Variants in NOTCH2 observed in about 807,000 individuals in gnomAD.
The protein encoded by NOTCH2 is notch receptor 2, also known as neurogenic locus notch homolog protein 2.
Under a neutral mutation model 235.8 loss-of-function variants are expected in NOTCH2, and 29 were observed. The ratio of observed to expected loss-of-function variants is 0.12; its 90% confidence interval spans 0.09 to 0.17. NOTCH2 has a LOEUF of 0.17. Ranked by LOEUF, NOTCH2 falls within the 10% of genes least tolerant of loss-of-function variation. The pLI is 1.00. For synonymous variants in NOTCH2, 1,086 were observed against 1,141.5 expected, an observed-to-expected ratio of 0.95 and a Z score of 0.98; for missense variants, 2,285 against 3,150.2, an observed-to-expected ratio of 0.73 and a Z score of 6.57.
chr1:119,949,373 ACT>A (rs1557817601), intron 15 of NOTCH2, among the ~76,000 whole-genome samples: 27 of 148,864 alleles, frequency 1.8e-4, no homozygotes, highest in African/African-American at 6.2e-4. Flanking sequence ...GTTTCCCTAC[ACT>A]ACTATTTCTT....
rs1419847830 is a variant in NOTCH2 at position 119,915,634 on chromosome 1, C to T, written c.7088G>A (p.Gly2363Glu). 2.5e-6 allele frequency: 4 copies of T among 1,613,998 alleles called. No homozygotes were observed. The change falls in exon 34 of 34, where the codon GGG becomes GAG. Residue 2363 changes from glycine (G) to glutamate (E), a missense_variant. Around this residue, in one of 6 missense-constraint regions of NOTCH2, gnomAD observed 504 missense variants for 538.0 expected, o/e 0.94. Transcript: ENST00000256646. ...FPTAMMPQQD[G>E]QVAQTILPAY... is the part of the protein sequence containing the mutation. Reference sequence around the variant, plus strand: ...TGGGAGAATGGTCTGAGCTACCTGCCCGTCCTGCTGGGGCATCATGGCAGT... The same window carrying T: ...TGGGAGAATGGTCTGAGCTACCTGCTCGTCCTGCTGGGGCATCATGGCAGT...
At chr1:119,966,617 C>T (rs1470515679) in intron 8 of NOTCH2, 128 bp from the exon 9 acceptor site, 3 of 729,916 alleles carry the variant, frequency 4.1e-6, no homozygotes, top group Non-Finnish European at 7.5e-6. Flanking sequence ...AAAAAAGGAA[C>T]TCTGCCATGA....
rs978203856 is a variant in NOTCH2, at chr1:119,915,843, G to A, written c.6879C>T (p.His2293=). 3 of 1,614,180 alleles carry A rather than the reference G, an allele frequency of 1.9e-6. No individual in the cohort carries two copies. The highest frequency in any genetic ancestry group is 2.5e-6 in the Non-Finnish European group (3 of 1,180,028). Residue 2293 remains histidine, a synonymous_variant, in exon 34 of 34, where the codon CAC becomes CAT. Transcript: ENST00000256646. ...APQSRPPEGK[H]ITTPREPLPP... is the part of the protein sequence containing the mutation. ...GCAAGGGCTCCCGAGGGGTGGTTAT[G>A]TGCTTCCCTTCAGGTGGCCTGCTCT...
chr1:120,009,540 G>A (rs1425248212), intron 2 of NOTCH2, among the ~76,000 whole-genome samples: 34 of 151,976 alleles, frequency 2.2e-4, no homozygotes, highest in Admixed American at 2.0e-4. Flanking sequence ...CCTAATTTCA[G>A]ATATTTCTCT....
Position 119,922,408 on chromosome 1 carries a change from G to T in NOTCH2, c.5041C>A (p.Leu1681Ile). 3 of 1,613,940 alleles carry T rather than the reference G, an allele frequency of 1.9e-6. No individual in the cohort carries two copies. Among genetic ancestry groups the T allele is most frequent in the Non-Finnish European group, 2.5e-6 (3 of 1,179,952 alleles). ...ATGATGACAACAGCAACAGCAAGGA[G>T]ATAGAGGAGCTGAGTGCGTTCTGGA... Reference protein sequence around the residue: ...LTPERTQLLYLLAVAVVIILF... With the variant: ...LTPERTQLLYILAVAVVIILF... Residue 1681 changes from leucine (L) to isoleucine (I), a missense_variant, in exon 28 of 34, where the codon CTC becomes ATC. By Grantham distance (5) the Leu-to-Ile change is conservative. Coordinates refer to ENST00000256646, the MANE Select transcript of NOTCH2 (RefSeq NM_024408.4).
At chr1:119,953,126 A>G (rs1553197984) in intron 14 of NOTCH2, among the ~76,000 whole-genome samples, 1 of 152,174 alleles carries the variant, frequency 6.6e-6, no homozygotes, top group Non-Finnish European at 1.5e-5. Context: ...AGCCTAACCA[A>G]CATGGAGAAA....
chr1:119,943,120 AAC>A (rs1650123853), intron 17 of NOTCH2, among the ~76,000 whole-genome samples: 1 of 152,090 alleles, frequency 6.6e-6, no homozygotes, highest in African/African-American at 2.4e-5. Flanking sequence ...TTTCTTCCCT[AAC>A]AGACTATGAG....
At chr1:119,968,014 A>G (rs934703498) in intron 7 of NOTCH2, 63 bp downstream of exon 7, 75 of 1,586,916 alleles carry the variant, frequency 4.7e-5, no homozygotes, top group Non-Finnish European at 6.2e-5. Context: ...AATGTGCTTC[A>G]GTTTAAACAT....
intron 3 of NOTCH2, among the ~76,000 whole-genome samples, chr1:120,003,531 T>A (rs1652847706): frequency 6.6e-6 from 1 of 152,144 alleles, no homozygotes. Context: ...GTTTTCTGAG[T>A]ACATTTTTCA....
intron 4 of NOTCH2, among the ~76,000 whole-genome samples, chr1:119,988,070 T>C (rs1652089234): frequency 6.6e-6 from 1 of 152,182 alleles, no homozygotes; most frequent in South Asian, 2.1e-4. Context: ...TTCCTCGAAA[T>C]ATCCCTTAAG....
chr1:119,959,867 C>T (rs1310817900), intron 11 of NOTCH2, among the ~76,000 whole-genome samples: 11 of 152,170 alleles, frequency 7.2e-5, no homozygotes, highest in Admixed American at 3.3e-4. Flanking sequence ...CAAGCAAAAA[C>T]GCCAGTTTCA....
chr1:119,960,186 AG>A (rs1318245028), intron 11 of NOTCH2, among the ~76,000 whole-genome samples: 13 of 152,200 alleles, frequency 8.5e-5, no homozygotes, highest in African/African-American at 3.1e-4. Flanking sequence ...TGTCATTTTG[AG>A]GAAAAGCAAA....
chr1:120,000,868 C>T (rs587595483), intron 3 of NOTCH2, among the ~76,000 whole-genome samples: 2 of 152,188 alleles, frequency 1.3e-5, no homozygotes, highest in African/African-American at 4.8e-5. Flanking sequence ...CTCTACCCCA[C>T]CAACACCTTT....
chr1:119,919,446 G>A lies in NOTCH2; in HGVS notation c.5647C>T (p.Leu1883Phe), dbSNP rs2101149784. 6.2e-7 allele frequency: 1 copy of A among 1,613,846 alleles called. No homozygotes were observed. Residue 1883 changes from leucine to phenylalanine, a missense_variant, in exon 31 of 34, where the codon CTT becomes TTT. By Grantham distance (22) the Leu-to-Phe change is conservative. Around this residue, in one of 6 missense-constraint regions of NOTCH2, gnomAD observed 128 missense variants for 255.9 expected, o/e 0.50. Transcript: ENST00000256646. ...TDRTGEMALH[L>F]AARYSRADAA... ...TCAGCCCGTGAGTAGCGGGCTGCAAGGTGCAGGGCCATCTCACCAGTCCGG... is the reference window on the plus strand; with the variant it reads ...TCAGCCCGTGAGTAGCGGGCTGCAAAGTGCAGGGCCATCTCACCAGTCCGG...
Position 119,955,062 on chromosome 1 carries a change from T to C in NOTCH2, c.2197A>G (p.Asn733Asp), listed in dbSNP as rs1553198236. 5 of 1,613,924 alleles carry C rather than the reference T, an allele frequency of 3.1e-6. No homozygotes were observed. The South Asian group carries it at 5.5e-5, about 18-fold the overall frequency. The change falls in exon 13 of 34, where the codon AAC becomes GAC. Residue 733 changes from asparagine (N) to aspartate (D), a missense_variant. This residue lies in a region of NOTCH2 where 1,173 missense variants were observed against 1,515.3 expected (regional missense o/e 0.77). Coordinates refer to ENST00000256646, the MANE Select transcript of NOTCH2 (RefSeq NM_024408.4). ...ECLSNPCIHG[N>D]CTGGLSGYKC... is the part of the protein sequence containing the mutation. Reference sequence around the variant, plus strand: ...CACCCACTGAGACCTCCAGTACAGTTTCCATGGATGCAGGGATTGCTCAGG... The same window carrying C: ...CACCCACTGAGACCTCCAGTACAGTCTCCATGGATGCAGGGATTGCTCAGG...
At chr1:120,042,532 A>G (rs1553213010) in intron 1 of NOTCH2, among the ~76,000 whole-genome samples, 2 of 133,874 alleles carry the variant, frequency 1.5e-5, no homozygotes, top group Admixed American at 7.0e-5. Context: ...CACATTAACA[A>G]GATGAAGTCC....
intron 1 of NOTCH2, among the ~76,000 whole-genome samples, chr1:120,038,894 C>T (rs1181967570): frequency 6.6e-6 from 1 of 151,836 alleles, no homozygotes; most frequent in African/African-American, 2.4e-5. Context: ...CACTCTTAGC[C>T]TCCTATAAAT....
chr1:120,045,874 C>T (rs75099105), intron 1 of NOTCH2, among the ~76,000 whole-genome samples: 1 of 152,272 alleles, frequency 6.6e-6, no homozygotes, highest in Non-Finnish European at 1.5e-5. Flanking sequence ...GGTGTGTGTA[C>T]CCCAGAAGCA....
intron 13 of NOTCH2, among the ~76,000 whole-genome samples, chr1:119,954,525 T>C (rs782608419): frequency 3.3e-5 from 5 of 152,214 alleles, no homozygotes; most frequent in Non-Finnish European, 5.9e-5. Flanking sequence ...AAGGTCACTC[T>C]ATGATTCTAG....
Sources: gnomAD v4.1 joint callset for allele counts (sites outside exome capture counted in the v4.1 genomes callset) on GRCh38, gnomAD v4.1.1 for gene constraint, gnomAD v4.1.1 regional missense constraint, MANE v1.5 for transcripts, NCBI Gene and HGNC (gene_info 2026-07-23, HGNC 2026-07-21) for gene names.